Variants in IQSEC1 observed in about 807,000 individuals in gnomAD.
IQSEC1 encodes IQ motif and SEC7 domain-containing protein 1.
IQSEC1 carries 31 observed loss-of-function variants against 91.0 expected under a neutral mutation model. The ratio of observed to expected loss-of-function variants is 0.34; its 90% CI spans 0.26 to 0.46. The LOEUF is 0.46. IQSEC1 is among the 20% of genes least tolerant of loss of function. The probability of loss-of-function intolerance (pLI) is 1.00; values close to 1 mark genes in which losing one functional copy is unlikely to be tolerated. For missense variants in IQSEC1, 1,388 were observed against 1,575.6 expected (o/e 0.88, Z 2.02); for synonymous variants, 699 against 662.6 (o/e 1.05, Z -0.84).
chr3:13,118,254 A>G (rs1001017418), intron 2 of IQSEC1, among the ~76,000 whole-genome samples: 6 of 152,244 alleles, frequency 3.9e-5, no homozygotes, highest in Non-Finnish European at 7.3e-5. Flanking sequence ...AAACTTAAAT[A>G]TAATTTAAAA....
At chr3:13,253,986 C>G (rs982888752) in intron 1 of IQSEC1, among the ~76,000 whole-genome samples, 3 of 152,176 alleles carry the variant, frequency 2.0e-5, no homozygotes, top group Admixed American at 6.5e-5. Flanking sequence ...AGCTTCTGAC[C>G]AACAGGTGAT....
intron 1 of IQSEC1, among the ~76,000 whole-genome samples, chr3:12,944,688 A>G (rs1254736735): frequency 6.6e-6 from 1 of 152,246 alleles, no homozygotes; most frequent in African/African-American, 2.4e-5. Context: ...AAAGAGATGC[A>G]GCCGGGCCTC....
chr3:13,275,705 C>T (rs1000629412), intron 1 of IQSEC1, among the ~76,000 whole-genome samples: 2 of 152,234 alleles, frequency 1.3e-5, no homozygotes, highest in African/African-American at 4.8e-5. Flanking sequence ...GTGGCCTGAT[C>T]CCTCTGTAAT....
At position 12,909,543 on chromosome 3, in the gene IQSEC1, GA is replaced by G; in HGVS notation, c.2417-110del. ...AGGGCTGAGTTGTGCGTGAGCCTGG[GA>G]TAAGTGCCGGGAGTCCAGCCTCCGC... is the stretch of plus-strand genomic sequence containing the variant. On this transcript the variant is annotated intron_variant, in intron 10 of 13. Transcript: ENST00000613206. The surrounding 1 kb of genome is among the most constrained non-coding windows in gnomAD (Gnocchi z 4.9). 1 of 1,147,122 alleles carries G rather than the reference GA, an allele frequency of 8.7e-7. No individual in the cohort carries two copies. The highest frequency in any genetic ancestry group is 1.3e-6 in the Non-Finnish European group (1 of 799,438). The allele number at this position is 1,147,122 out of a possible 1,614,324, so 71.1% of individuals were successfully genotyped here.
chr3:13,273,783 C>A (rs1285147144), intron 1 of IQSEC1, among the ~76,000 whole-genome samples: 1 of 152,172 alleles, frequency 6.6e-6, no homozygotes, highest in African/African-American at 2.4e-5. Flanking sequence ...TCCCTTAGAT[C>A]AAAGCCAAAG....
At chr3:13,101,283 C>A (rs1706058514) in intron 2 of IQSEC1, among the ~76,000 whole-genome samples, 1 of 152,032 alleles carries the variant, frequency 6.6e-6, no homozygotes, top group Non-Finnish European at 1.5e-5. Flanking sequence ...AGATTGAGAC[C>A]ATCCTGGCTA....
intron 1 of IQSEC1, among the ~76,000 whole-genome samples, chr3:13,019,530 G>C (rs914448668): frequency 1.3e-5 from 2 of 152,246 alleles, no homozygotes; most frequent in East Asian, 1.9e-4. Context: ...TGGCAGCCGA[G>C]GGGGCTGGGA....
At chr3:13,225,720 A>G (rs1694741400) in intron 1 of IQSEC1, among the ~76,000 whole-genome samples, 1 of 152,250 alleles carries the variant, frequency 6.6e-6, no homozygotes, top group South Asian at 2.1e-4. Context: ...TGAGAAAGGT[A>G]TATCCACAGG....
intron 1 of IQSEC1, among the ~76,000 whole-genome samples, chr3:12,951,192 G>A (rs1302998196): frequency 6.6e-6 from 1 of 152,242 alleles, no homozygotes; most frequent in Non-Finnish European, 1.5e-5. Context: ...GGAGGCCAAG[G>A]AGGATGGATC....
In IQSEC1 at chr3:12,979,473, C is replaced by T. The variant is rs1344314594; in HGVS notation, c.24-37608G>A. 6.6e-6 allele frequency among the ~76,000 whole-genome samples: 1 copy of T among 152,130 alleles called. No homozygotes were observed. The highest frequency in any genetic ancestry group is 1.9e-4 in the East Asian group (1 of 5,198). ...GCTGAAGAATGCTGGATTTGGGTTA[C>T]AAAAAAGGCGGACACATGCACGCAG... On this transcript the variant is annotated intron_variant, in intron 1 of 13. Coordinates refer to ENST00000613206, the MANE Select transcript of IQSEC1 (RefSeq NM_001134382.3). The surrounding 1 kb of genome is among the most constrained non-coding windows in gnomAD (Gnocchi z 4.3).
chr3:13,086,872 T>C (rs1041450909), intron 2 of IQSEC1, among the ~76,000 whole-genome samples: 5 of 152,226 alleles, frequency 3.3e-5, no homozygotes, highest in Middle Eastern at 3.2e-3. Flanking sequence ...TTTCTCAACA[T>C]CTGTCTTCTC....
At chr3:13,278,356 C>T (rs1244764154) in intron 1 of IQSEC1, among the ~76,000 whole-genome samples, 1 of 152,208 alleles carries the variant, frequency 6.6e-6, no homozygotes, top group Non-Finnish European at 1.5e-5. Context: ...CCCCTCTACA[C>T]TGCCACCCCA....
At chr3:13,102,379 G>A (rs1706080462) in intron 2 of IQSEC1, among the ~76,000 whole-genome samples, 1 of 152,068 alleles carries the variant, frequency 6.6e-6, no homozygotes. Flanking sequence ...GCGGAGGCCT[G>A]GGCCCAGCCC....
intron 1 of IQSEC1, among the ~76,000 whole-genome samples, chr3:13,169,127 A>G (rs758604238): frequency 2.0e-5 from 3 of 152,234 alleles, no homozygotes; most frequent in African/African-American, 4.8e-5. Context: ...CTCATCTTGA[A>G]TTCCCACGTG....
chr3:12,965,589 A>ATGTTCTGAGACTGGGGGAGCAGC (rs1288433778), intron 1 of IQSEC1, among the ~76,000 whole-genome samples: 2 of 152,240 alleles, frequency 1.3e-5, no homozygotes, highest in African/African-American at 4.8e-5. Flanking sequence ...CCTCTGCCTC[A>ATGTTCTGAGACTGGGGGAGCAGC]TGTTCTGAGA....
rs1185063486 is a variant in IQSEC1, at chr3:12,899,066, A to G, written c.*1917T>C. ...TTAAAGTCACATTTTTAAAAAGGCT[A>G]AACTCTAGATTGCTGTATTTGCTCT... On this transcript the variant is annotated 3_prime_UTR_variant, in exon 14 of 14. Coordinates refer to ENST00000613206, the MANE Select transcript of IQSEC1 (RefSeq NM_001134382.3). 2.7e-5 allele frequency: 10 copies of G among 370,216 alleles called. No individual in the cohort carries two copies. Among genetic ancestry groups the G allele is most frequent in the Admixed American group, 4.3e-5 (1 of 23,472 alleles). 22.9% of individuals were successfully genotyped at this position (370,216 alleles called of 1,614,324 possible).
chr3:13,033,249 A>G (rs964345466), intron 1 of IQSEC1, among the ~76,000 whole-genome samples: 1 of 152,174 alleles, frequency 6.6e-6, no homozygotes, highest in Non-Finnish European at 1.5e-5. Flanking sequence ...GCCCGAGGAC[A>G]GGTCCTCGTA....
intron 1 of IQSEC1, among the ~76,000 whole-genome samples, chr3:13,215,833 A>G (rs1576298116): frequency 1.3e-5 from 2 of 152,188 alleles, no homozygotes; most frequent in South Asian, 2.1e-4. Flanking sequence ...CCGTTTCTCA[A>G]ACGTCTCCTG....
At chr3:13,096,279 G>A (rs1705953654) in intron 2 of IQSEC1, among the ~76,000 whole-genome samples, 1 of 152,246 alleles carries the variant, frequency 6.6e-6, no homozygotes. Context: ...AGCTCTTGGG[G>A]AGCTCACAGT....
Sources: allele counts gnomAD v4.1 joint callset (sites outside exome capture counted in the v4.1 genomes callset), GRCh38; gene constraint gnomAD v4.1.1; non-coding constraint Gnocchi (gnomAD v3.1); transcripts MANE v1.5; gene names NCBI Gene and HGNC (gene_info 2026-07-23, HGNC 2026-07-21).